The following NBPF20 variants were observed in gnomAD, a reference collection of about 807,000 sequenced individuals.
NBPF20 encodes NBPF member 20.
In NBPF20, 90 loss-of-function variants were observed where a neutral mutation model predicts 68.1. That is an observed-to-expected ratio of 1.32 (90% CI 1.11 to 1.58). The LOEUF (loss-of-function observed/expected upper bound fraction) is 1.58. NBPF20 is among the 40% of genes most tolerant of loss of function. The pLI is 0.00. For missense variants in NBPF20, 816 were observed against 601.2 expected (o/e 1.36, Z -3.74); for synonymous variants, 290 against 228.1 (o/e 1.27, Z -2.45).
At chr1:145,397,203 A>G (rs1203853131) in intron 7 of NBPF20, among the ~76,000 whole-genome samples, 18 of 148,822 alleles carry the variant, frequency 1.2e-4, no homozygotes, top group Admixed American at 6.7e-5. Flanking sequence ...AGTCTTTGCT[A>G]TTGTGAATAG....
At chr1:145,425,600 C>T in the NBPF20 span, among the ~76,000 whole-genome samples, 2 of 152,228 alleles carry the variant, frequency 1.3e-5, no homozygotes, top group Non-Finnish European at 2.9e-5. Flanking sequence ...TCGCCGGGCG[C>T]GTCAAGAGAG....
In NBPF20 at chr1:145,400,617, G is replaced by A. The variant is rs1662477660; in HGVS notation, c.567-23C>T. 4.4e-6 allele frequency: 7 copies of A among 1,602,164 alleles called. No homozygotes were observed. The South Asian group carries it at 4.4e-5, about 10-fold the overall frequency. On this transcript the variant is annotated intron_variant, in intron 5 of 137. Coordinates refer to ENST00000369373, the Ensembl canonical transcript of NBPF20. ...TCCCTGATGAGCCAGGTGGGACAGA[G>A]ATGACAGAAGATTAAACACAGAGGG... is the stretch of plus-strand genomic sequence containing the variant.
intron 61 of NBPF20, among the ~76,000 whole-genome samples, chr1:145,352,346 C>CACAG (rs1661660625): frequency 2.5e-5 from 2 of 79,298 alleles, no homozygotes; most frequent in Non-Finnish European, 2.7e-5. Context: ...CACACACACA[C>CACAG]AGAGAGAACG....
the NBPF20 span, among the ~76,000 whole-genome samples, chr1:145,419,214 GGGAGAGAAGTAGGGAA>G: frequency 5.3e-5 from 8 of 151,004 alleles, no homozygotes; most frequent in South Asian, 2.1e-4. Flanking sequence ...GAAAAAGAGT[GGGAGAGAAGTAGGGAA>G]GGAGAGAAGT....
chr1:145,334,865 A>T (rs1661559966), intron 83 of NBPF20, among the ~76,000 whole-genome samples: 1 of 138,970 alleles, frequency 7.2e-6, no homozygotes, highest in African/African-American at 2.5e-5. Flanking sequence ...GAGAGGAGAA[A>T]GTAAGCTCAG....
At position 145,334,946 on chromosome 1, in the gene NBPF20, G is replaced by A. The variant is rs1403096034; in HGVS notation, c.10052+296C>T. Among the ~76,000 whole-genome samples, 11 of 116,204 alleles carry A rather than the reference G, an allele frequency of 9.5e-5. 1 individual carries two copies. Among genetic ancestry groups the A allele is most frequent in the African/African-American group, 3.1e-4 (11 of 35,570 alleles). 76.2% of individuals were successfully genotyped at this position (116,204 alleles called of 152,430 possible). ...TGAGTTAGTGCCCTCGGGACACACA[G>A]CGAACAGTGATCATGAAAAGAGTGG... On this transcript the variant is annotated intron_variant, in intron 83 of 137. Coordinates refer to ENST00000369373, the Ensembl canonical transcript of NBPF20.
chr1:145,394,558 A>T (rs1662120837), intron 8 of NBPF20, among the ~76,000 whole-genome samples: 1 of 152,078 alleles, frequency 6.6e-6, no homozygotes, highest in African/African-American at 2.4e-5. Context: ...GACAAGGGTG[A>T]CACTGGCCTT....
intron 9 of NBPF20, 32 bp downstream of exon 14, chr1:145,393,852 C>A: frequency 6.6e-7 from 1 of 1,517,668 alleles, no homozygotes; most frequent in East Asian, 2.2e-5. Flanking sequence ...GTGTCAACAT[C>A]AAATTAACTC....
chr1:145,398,819 C>T (rs1281132911), intron 7 of NBPF20, among the ~76,000 whole-genome samples: 1 of 150,708 alleles, frequency 6.6e-6, no homozygotes, highest in East Asian at 1.9e-4. Context: ...CAAGAAAACC[C>T]TGTTTGGCTA....
chr1:145,352,322 C>G (rs1337232738), intron 61 of NBPF20, among the ~76,000 whole-genome samples: 117 of 90,974 alleles, frequency 1.3e-3, no homozygotes, highest in Middle Eastern at 5.3e-3. Context: ...CACACACACA[C>G]ACACACAGAC....
rs1662471067 is a variant in NBPF20 at position 145,400,517 on chromosome 1, T to C, written c.644A>G (p.His215Arg). The C allele has an allele frequency of 2.7e-5, 43 of 1,612,806 alleles. 1 individual carries two copies. The highest frequency in any genetic ancestry group is 3.5e-5 in the Non-Finnish European group (41 of 1,179,798). Residue 215 changes from histidine to arginine, a missense_variant, in exon 6 of 138, where the codon CAT becomes CGT. Physicochemically the swap from His to Arg is conservative, Grantham distance 29. Transcript: ENST00000369373. ...TGGCTGGTTGGAGTCATAAGGGCCA[T>C]GGCTATTTGAATAAGTGATGGCACA... is the stretch of plus-strand genomic sequence containing the variant.
the NBPF20 span, among the ~76,000 whole-genome samples, chr1:145,411,188 C>T: frequency 4.3e-4 from 62 of 144,448 alleles, 1 homozygote; most frequent in Admixed American, 4.9e-4. Flanking sequence ...ACCAAAATGC[C>T]GGTTGGAATT....
At chr1:145,404,942 C>T (rs1187801672) in intron 2 of NBPF20, among the ~76,000 whole-genome samples, 156 bp downstream of exon 7, 4 of 151,986 alleles carry the variant, frequency 2.6e-5, no homozygotes, top group African/African-American at 9.7e-5. Flanking sequence ...TACTTTGGTA[C>T]CTCTGTCTTC....
chr1:145,292,004 C>G (rs587750539), intron 137 of NBPF20, among the ~76,000 whole-genome samples: 1 of 149,696 alleles, frequency 6.7e-6, no homozygotes, highest in Non-Finnish European at 1.5e-5. Context: ...GAGAAAGTGA[C>G]CTAGTGAATT....
the NBPF20 span, among the ~76,000 whole-genome samples, chr1:145,419,001 G>C: frequency 1.4e-5 from 2 of 142,182 alleles, no homozygotes; most frequent in Admixed American, 7.1e-5. Context: ...GAAAAAGAGA[G>C]AGCATGAGAG....
Position 145,393,418 on chromosome 1 carries a change from A to G in NBPF20, c.1044-172T>C, listed in dbSNP as rs1156681055. On this transcript the variant is annotated intron_variant, in intron 9 of 137. Coordinates refer to ENST00000369373, the Ensembl canonical transcript of NBPF20. ...TGGGATAGACTAGGGCCAGGTAGAA[A>G]AGGATGAAAGAGAGAGACACACACT... is the stretch of plus-strand genomic sequence containing the variant. 2.6e-5 allele frequency among the ~76,000 whole-genome samples: 4 copies of G among 150,974 alleles called. No individual in the cohort carries two copies. In the Admixed American group the frequency reaches 2.7e-4, roughly 10 times the overall value.
chr1:145,416,201 A>G, the NBPF20 span, among the ~76,000 whole-genome samples: 4 of 147,264 alleles, frequency 2.7e-5, no homozygotes, highest in Admixed American at 2.0e-4. Context: ...AAAATGTATC[A>G]TCTCAATTTT....
At chr1:145,404,780 C>T (rs1273670959) in intron 2 of NBPF20, among the ~76,000 whole-genome samples, 10 of 151,794 alleles carry the variant, frequency 6.6e-5, no homozygotes, top group Non-Finnish European at 1.2e-4. Flanking sequence ...TATTTGTCTG[C>T]AGGATCTTAT....
chr1:145,403,024 G>A (rs1268589120), intron 3 of NBPF20, among the ~76,000 whole-genome samples, 192 bp downstream of exon 8: 1 of 152,016 alleles, frequency 6.6e-6, no homozygotes. Flanking sequence ...AAGGCTCTGA[G>A]AAACAACTGC....
Sources: gnomAD v4.1 joint callset for allele counts (sites outside exome capture counted in the v4.1 genomes callset) on GRCh38, gnomAD v4.1.1 for gene constraint, MANE v1.5 for transcripts, NCBI Gene and HGNC (gene_info 2026-07-23, HGNC 2026-07-21) for gene names.